LRRC7: variants seen among roughly 807,000 people sequenced by gnomAD.
LRRC7 encodes the protein leucine-rich repeat-containing protein 7.
Under a neutral mutation model 175.7 loss-of-function variants are expected in LRRC7, and 23 were observed. The observed-to-expected ratio is 0.13, with a 90% confidence interval of 0.09 to 0.19. The LOEUF is 0.19. LRRC7 is among the 10% of genes least tolerant of loss of function. LRRC7 has a pLI of 1.00. For synonymous variants in LRRC7, 685 were observed against 680.9 expected (o/e 1.01, Z -0.09); for missense variants, 1,354 against 1,904.7 (o/e 0.71, Z 5.38).
chr1:70,038,938 C>T lies in LRRC7; in HGVS notation c.3114C>T (p.Val1038=). The change falls in exon 21 of 27, where the codon GTC becomes GTT. Residue 1038 remains valine (V), a synonymous_variant. Transcript: ENST00000651989. The part of the protein sequence containing the change: ...GMSSMSRSQS[V]PMLDDEMLTY... ...CCAGTATGTCTCGAAGCCAGTCAGTCCCAATGCTGGATGATGAGATGCTCA... is the reference window on the plus strand; with the variant it reads ...CCAGTATGTCTCGAAGCCAGTCAGTTCCAATGCTGGATGATGAGATGCTCA... The T allele has an allele frequency of 6.2e-7, 1 of 1,613,900 alleles. No homozygotes were observed. Among genetic ancestry groups the T allele is most frequent in the South Asian group, 1.1e-5 (1 of 91,048 alleles).
chr1:70,008,485 A>G (rs1342532103), intron 11 of LRRC7, among the ~76,000 whole-genome samples: 1 of 152,166 alleles, frequency 6.6e-6, no homozygotes, highest in Non-Finnish European at 1.5e-5. Context: ...GAATGTTTTA[A>G]ATTGTATGTT....
chr1:70,005,118 T>G (rs1444723921), intron 11 of LRRC7, among the ~76,000 whole-genome samples: 1 of 152,094 alleles, frequency 6.6e-6, no homozygotes, highest in African/African-American at 2.4e-5. Context: ...TTGCATATAT[T>G]TACTCTTCAT....
chr1:69,678,825 T>C (rs1016935748), intron 2 of LRRC7, among the ~76,000 whole-genome samples: 1 of 152,150 alleles, frequency 6.6e-6, no homozygotes. Flanking sequence ...ACTTTTGAAA[T>C]GTATCTAAAG....
chr1:69,784,195 T>C (rs1205689835), intron 3 of LRRC7, among the ~76,000 whole-genome samples: 1 of 152,084 alleles, frequency 6.6e-6, no homozygotes, highest in Non-Finnish European at 1.5e-5. Context: ...CCAAACAATA[T>C]ATAATTTTAA....
chr1:70,008,148 G>A (rs894120113), intron 11 of LRRC7, among the ~76,000 whole-genome samples: 3 of 152,296 alleles, frequency 2.0e-5, no homozygotes, highest in Admixed American at 1.3e-4. Flanking sequence ...GGAGTCCAAT[G>A]TTTGAGGGCA....
chr1:69,781,113 AT>A (rs2101020226), intron 3 of LRRC7, among the ~76,000 whole-genome samples: 1 of 152,230 alleles, frequency 6.6e-6, no homozygotes, highest in South Asian at 2.1e-4. Context: ...GCTAATCCAA[AT>A]TATGATTTTT....
chr1:69,935,989 A>G (rs1009775378), intron 8 of LRRC7, among the ~76,000 whole-genome samples: 1 of 152,080 alleles, frequency 6.6e-6, no homozygotes, highest in Non-Finnish European at 1.5e-5. Flanking sequence ...TTAATTATTT[A>G]TACTGTGTAC....
intron 22 of LRRC7, among the ~76,000 whole-genome samples, chr1:70,044,888 T>C (rs1660208247): frequency 2.0e-5 from 3 of 152,142 alleles, no homozygotes; most frequent in African/African-American, 7.2e-5. Context: ...GCCTATATAT[T>C]TATATTGTCA....
At chr1:69,876,859 A>C (rs1234843400) in intron 7 of LRRC7, among the ~76,000 whole-genome samples, 1 of 152,192 alleles carries the variant, frequency 6.6e-6, no homozygotes, top group Non-Finnish European at 1.5e-5. Context: ...AGGAACAGAG[A>C]CAAGTGAAGC....
chr1:69,987,994 G>C (rs1301972378), intron 10 of LRRC7, among the ~76,000 whole-genome samples: 1 of 152,110 alleles, frequency 6.6e-6, no homozygotes, highest in Non-Finnish European at 1.5e-5. Flanking sequence ...CATCTTAGAT[G>C]AAACTTGTGA....
At chr1:69,608,812 G>GTCTCTCTC (rs558298354) in intron 1 of LRRC7, among the ~76,000 whole-genome samples, 1 of 91,614 alleles carries the variant, frequency 1.1e-5, no homozygotes, top group Non-Finnish European at 2.1e-5. Flanking sequence ...TGCTCTGTCT[G>GTCTCTCTC]TCTCTCTCTC....
At chr1:69,943,949 A>AAC (rs55900412) in intron 8 of LRRC7, among the ~76,000 whole-genome samples, 10,761 of 145,358 alleles carry the variant, frequency 0.074, 406 homozygotes, top group Middle Eastern at 0.13. Flanking sequence ...TATCATGGTA[A>AAC]ACACACACAC....
intron 7 of LRRC7, among the ~76,000 whole-genome samples, chr1:69,888,274 T>C (rs550952364): frequency 4.6e-5 from 7 of 152,166 alleles, no homozygotes; most frequent in African/African-American, 1.4e-4. Flanking sequence ...AGCGAGACTC[T>C]GTGGGCGTAG....
intron 7 of LRRC7, chr1:69,919,905 C>A: frequency 1.5e-6 from 1 of 663,546 alleles, no homozygotes; most frequent in South Asian, 1.6e-5. Context: ...GCCGAACCCC[C>A]CACTCCCTGC....
intron 8 of LRRC7, among the ~76,000 whole-genome samples, chr1:69,978,503 G>C (rs1414793356): frequency 2.0e-5 from 3 of 152,192 alleles, no homozygotes; most frequent in Non-Finnish European, 4.4e-5. Flanking sequence ...TGTTCCCTAT[G>C]ATCTAAGTGA....
chr1:69,969,330 C>T (rs1181842793), intron 8 of LRRC7, among the ~76,000 whole-genome samples: 1 of 152,080 alleles, frequency 6.6e-6, no homozygotes, highest in African/African-American at 2.4e-5. Flanking sequence ...TTAAAAGATA[C>T]ATAATTGTAG....
intron 1 of LRRC7, among the ~76,000 whole-genome samples, chr1:69,660,708 T>C (rs1657335119): frequency 6.6e-6 from 1 of 151,996 alleles, no homozygotes; most frequent in Non-Finnish European, 1.5e-5. Context: ...TCAAGTTGAT[T>C]AGAAGGGGAA....
chr1:69,693,785 G>A (rs943098087), intron 2 of LRRC7, among the ~76,000 whole-genome samples: 3 of 152,094 alleles, frequency 2.0e-5, no homozygotes, highest in African/African-American at 7.2e-5. Context: ...TCTATTTCAG[G>A]GGGTCTGAAC....
chr1:69,667,482 G>A (rs1658433680), intron 1 of LRRC7, among the ~76,000 whole-genome samples: 1 of 152,058 alleles, frequency 6.6e-6, no homozygotes, highest in Admixed American at 6.6e-5. Flanking sequence ...ATACCTATGT[G>A]CTCCTGTACT....
Sources: gnomAD v4.1 joint callset for allele counts (sites outside exome capture counted in the v4.1 genomes callset) on GRCh38, gnomAD v4.1.1 for gene constraint, MANE v1.5 for transcripts, NCBI Gene and HGNC (gene_info 2026-07-23, HGNC 2026-07-21) for gene names.